The following TNRC6B variants were observed in gnomAD, a reference collection of about 807,000 sequenced individuals.
The protein encoded by TNRC6B is trinucleotide repeat-containing gene 6B protein.
A neutral mutation model predicts 203.6 loss-of-function variants in TNRC6B; 52 were observed. The observed-to-expected ratio is 0.26, with a 90% CI of 0.20 to 0.32. The LOEUF (loss-of-function observed/expected upper bound fraction) is 0.32. Ranked by LOEUF, TNRC6B falls within the 10% of genes least tolerant of loss-of-function variation. The probability of loss-of-function intolerance (pLI) is 1.00; values close to 1 mark genes in which losing one functional copy is unlikely to be tolerated. For synonymous variants in TNRC6B, 838 were observed against 845.7 expected (o/e 0.99, Z 0.16); for missense variants, 1,923 against 2,286.2 (o/e 0.84, Z 3.24).
chr22:40,299,625 G>A (rs183324484), intron 12 of TNRC6B, among the ~76,000 whole-genome samples: 1 of 152,190 alleles, frequency 6.6e-6, no homozygotes, highest in East Asian at 1.9e-4. Flanking sequence ...CTAGGCACAA[G>A]CTAGTCCCCC....
In TNRC6B at chr22:40,248,849, C is replaced by T. The variant is rs573255504; in HGVS notation, c.94-2330C>T. On this transcript the variant is annotated intron_variant, in intron 2 of 22. Transcript: ENST00000454349. ...GAATCTAGGCTGACGCAGGCTGATG[C>T]GTGGCCTTTGATCTTGTTTTATTAT... Among the ~76,000 whole-genome samples, 15 of 152,270 alleles carry T rather than the reference C, an allele frequency of 9.9e-5. No homozygotes were observed. The South Asian group carries it at 1.9e-3, about 19-fold the overall frequency.
At chr22:40,112,026 A>G (rs112296299) in intron 1 of TNRC6B, among the ~76,000 whole-genome samples, 8,694 of 152,134 alleles carry the variant, frequency 0.057, 793 homozygotes, top group African/African-American at 0.19. Context: ...GCTTGAACCC[A>G]GCGGCAGAGG....
chr22:40,090,853 C>G (rs1569256999), intron 1 of TNRC6B, among the ~76,000 whole-genome samples: 1 of 152,174 alleles, frequency 6.6e-6, no homozygotes, highest in Non-Finnish European at 1.5e-5. Context: ...ATCACTGATA[C>G]AGGAACCGGC....
intron 4 of TNRC6B, among the ~76,000 whole-genome samples, chr22:40,171,530 T>G (rs1437537124): frequency 1.3e-5 from 2 of 152,130 alleles, no homozygotes; most frequent in Admixed American, 1.3e-4. Flanking sequence ...ATTTATTAAT[T>G]TTTGTGGTCA....
At chr22:40,217,847 T>C (rs1249499700) in intron 1 of TNRC6B, among the ~76,000 whole-genome samples, 1 of 151,748 alleles carries the variant, frequency 6.6e-6, no homozygotes, top group Non-Finnish European at 1.5e-5. Context: ...TGGTTTCGTG[T>C]GCCTGTGGTC....
At chr22:40,189,499 A>C (rs377647369) in intron 1 of TNRC6B, among the ~76,000 whole-genome samples, 103 of 52,984 alleles carry the variant, frequency 1.9e-3, no homozygotes, top group African/African-American at 2.1e-3. Flanking sequence ...TTGTCTGCCC[A>C]AAAAAAAAAA....
At chr22:40,284,516 GGT>G (rs2070758905) in intron 11 of TNRC6B, among the ~76,000 whole-genome samples, 1 of 152,128 alleles carries the variant, frequency 6.6e-6, no homozygotes, top group Non-Finnish European at 1.5e-5. Context: ...GACATTTTCC[GGT>G]GTGTGGAATT....
chr22:40,090,377 A>G (rs920882860), intron 1 of TNRC6B, among the ~76,000 whole-genome samples: 7 of 149,414 alleles, frequency 4.7e-5, no homozygotes, highest in East Asian at 1.9e-4. Flanking sequence ...TGGGCATCTA[A>G]TGGGTGTGTA....
intron 1 of TNRC6B, among the ~76,000 whole-genome samples, chr22:40,245,730 GTT>G (rs778084104): frequency 6.1e-5 from 9 of 147,208 alleles, no homozygotes; most frequent in African/African-American, 2.0e-4. Flanking sequence ...GTGTGTGTGT[GTT>G]TGTGTGTGTA....
At chr22:40,085,542 A>C (rs1233452976) in intron 1 of TNRC6B, among the ~76,000 whole-genome samples, 1 of 152,170 alleles carries the variant, frequency 6.6e-6, no homozygotes, top group Non-Finnish European at 1.5e-5. Flanking sequence ...GGATTTTGCT[A>C]ATTGTGTCCA....
At chr22:40,130,001 G>T (rs746556221) in intron 3 of TNRC6B, among the ~76,000 whole-genome samples, 2 of 152,262 alleles carry the variant, frequency 1.3e-5, no homozygotes, top group African/African-American at 2.4e-5. Context: ...GGGTTAAAGA[G>T]AAATTAAATG....
chr22:40,294,851 T>C (rs2070918015), intron 12 of TNRC6B, among the ~76,000 whole-genome samples: 1 of 152,238 alleles, frequency 6.6e-6, no homozygotes. Context: ...GGGGAAATTG[T>C]GGAGGACGTG....
chr22:40,049,281 C>T (rs983693097), intron 1 of TNRC6B, among the ~76,000 whole-genome samples: 1 of 151,852 alleles, frequency 6.6e-6, no homozygotes, highest in South Asian at 2.1e-4. Context: ...CCCACCTCAG[C>T]CTCCCAAAGT....
chr22:40,150,779 T>C (rs931619780), intron 3 of TNRC6B, among the ~76,000 whole-genome samples: 6 of 152,144 alleles, frequency 3.9e-5, no homozygotes, highest in African/African-American at 1.4e-4. Flanking sequence ...AGGTTGAGGA[T>C]TGAAGGATGT....
chr22:40,234,122 C>CA (rs1238244405), intron 1 of TNRC6B, among the ~76,000 whole-genome samples: 1 of 152,030 alleles, frequency 6.6e-6, no homozygotes, highest in East Asian at 1.9e-4. Flanking sequence ...CCCATCTGTA[C>CA]AAAAAATTAA....
chr22:40,280,810 C>T (rs1242193314), intron 10 of TNRC6B, among the ~76,000 whole-genome samples: 1 of 152,190 alleles, frequency 6.6e-6, no homozygotes, highest in African/African-American at 2.4e-5. Context: ...TCTGTTTCAG[C>T]AGCCACATTG....
chr22:40,162,738 T>C (rs2068881830), intron 4 of TNRC6B, among the ~76,000 whole-genome samples: 1 of 152,210 alleles, frequency 6.6e-6, no homozygotes, highest in African/African-American at 2.4e-5. Flanking sequence ...GTAAACTCAA[T>C]CATTATTACA....
At chr22:40,267,175 C>A (rs2070493917) in intron 5 of TNRC6B, 139 bp downstream of exon 5, 2 of 873,596 alleles carry the variant, frequency 2.3e-6, no homozygotes, top group Non-Finnish European at 1.6e-6. Flanking sequence ...CTAACAGAAC[C>A]TCTTTTTATG....
At chr22:40,283,449 A>G (rs2070743459) in intron 11 of TNRC6B, among the ~76,000 whole-genome samples, 1 of 152,158 alleles carries the variant, frequency 6.6e-6, no homozygotes, top group Non-Finnish European at 1.5e-5. Flanking sequence ...GAATCACTGT[A>G]CCTGGCCTTT....
Sources: gnomAD v4.1 joint callset for allele counts (sites outside exome capture counted in the v4.1 genomes callset) on GRCh38, gnomAD v4.1.1 for gene constraint, MANE v1.5 for transcripts, NCBI Gene and HGNC (gene_info 2026-07-23, HGNC 2026-07-21) for gene names.